Variants in KDM4C observed in about 807,000 individuals in gnomAD.
KDM4C encodes the protein lysine-specific demethylase 4C.
In KDM4C, 81 loss-of-function variants were observed where a neutral mutation model predicts 129.3. The observed-to-expected ratio is 0.63, with a 90% CI of 0.52 to 0.75. The LOEUF is 0.75. KDM4C is among the 30% of genes least tolerant of loss of function. The pLI is 0.00. For missense variants in KDM4C, 1,457 were observed against 1,304.0 expected, an observed-to-expected ratio of 1.12 and a Z score of -1.81; for synonymous variants, 573 against 456.1, an observed-to-expected ratio of 1.26 and a Z score of -3.26.
At chr9:7,095,141 C>T (rs1464255903) in intron 17 of KDM4C, among the ~76,000 whole-genome samples, 1 of 152,226 alleles carries the variant, frequency 6.6e-6, no homozygotes, top group Non-Finnish European at 1.5e-5. Flanking sequence ...GCTTGAAACT[C>T]ACTTGTGGGA....
chr9:6,962,096 T>C (rs9657634), intron 8 of KDM4C, among the ~76,000 whole-genome samples: 3,076 of 152,280 alleles, frequency 0.02, 77 homozygotes, highest in East Asian at 0.073. Context: ...GGGGGCTCTA[T>C]TGGCTGTGAT....
chr9:6,765,377 C>T (rs1025310687), intron 1 of KDM4C, among the ~76,000 whole-genome samples: 12 of 152,150 alleles, frequency 7.9e-5, no homozygotes, highest in African/African-American at 2.7e-4. Context: ...TTCAGAGAAA[C>T]CTGACCTGTT....
chr9:7,066,972 A>C (rs1358835462), intron 17 of KDM4C, among the ~76,000 whole-genome samples: 2 of 152,158 alleles, frequency 1.3e-5, no homozygotes, highest in Non-Finnish European at 2.9e-5. Context: ...ACTTAAAAAC[A>C]AGAGGGAATC....
chr9:6,976,123 T>A (rs1414310592), intron 8 of KDM4C, among the ~76,000 whole-genome samples: 1 of 152,226 alleles, frequency 6.6e-6, no homozygotes, highest in East Asian at 1.9e-4. Flanking sequence ...TGCACAGATC[T>A]ATGTGATTAT....
At chr9:6,862,320 G>T (rs1025663150) in intron 5 of KDM4C, among the ~76,000 whole-genome samples, 2 of 152,082 alleles carry the variant, frequency 1.3e-5, no homozygotes, top group African/African-American at 2.4e-5. Context: ...TGAAATGTTT[G>T]ATTTTAACAG....
At chr9:7,029,954 C>T (rs1335023933) in intron 15 of KDM4C, among the ~76,000 whole-genome samples, 1 of 152,048 alleles carries the variant, frequency 6.6e-6, no homozygotes, top group African/African-American at 2.4e-5. Flanking sequence ...CTATGTCCTT[C>T]TAGGGAGCTT....
intron 18 of KDM4C, among the ~76,000 whole-genome samples, chr9:7,126,283 G>C (rs1840019578): frequency 6.6e-6 from 1 of 152,140 alleles, no homozygotes; most frequent in Non-Finnish European, 1.5e-5. Context: ...CTGCAACCCA[G>C]CTGTTGTCAG....
chr9:7,111,661 C>T (rs1453167574), intron 18 of KDM4C, among the ~76,000 whole-genome samples: 1 of 152,068 alleles, frequency 6.6e-6, no homozygotes, highest in Non-Finnish European at 1.5e-5. Context: ...CTGAGGAAGG[C>T]TGAAGAGTTC....
intron 5 of KDM4C, among the ~76,000 whole-genome samples, chr9:6,856,998 C>T (rs576649096): frequency 4.1e-4 from 63 of 152,208 alleles, no homozygotes; most frequent in African/African-American, 1.4e-3. Context: ...ACCTCATGAT[C>T]CATCCGCCTC....
chr9:7,112,512 A>C (rs1319485300), intron 18 of KDM4C, among the ~76,000 whole-genome samples: 5 of 152,316 alleles, frequency 3.3e-5, no homozygotes, highest in Non-Finnish European at 2.9e-5. Flanking sequence ...TTGGTAAATC[A>C]GATGTAGTGG....
rs1024557134 is a variant in KDM4C at position 6,730,531 on chromosome 9, C to T, written c.49+9534C>T. Among the ~76,000 whole-genome samples, 7 of 151,416 alleles carry T rather than the reference C, an allele frequency of 4.6e-5. No homozygotes were observed. The South Asian group carries it at 6.3e-4, about 14-fold the overall frequency. On this transcript the variant is annotated intron_variant, in intron 1 of 17. Transcript: ENST00000536108. ...TCGGGAGGCTGAGGCAGGAGAATGG[C>T]GTGAACCCGGGAGGCGGAGCTTGCA...
At chr9:6,905,389 A>T (rs1818141932) in intron 8 of KDM4C, among the ~76,000 whole-genome samples, 1 of 152,150 alleles carries the variant, frequency 6.6e-6, no homozygotes, top group Non-Finnish European at 1.5e-5. Context: ...TTGTCCTGAA[A>T]TGTCTAGATT....
Position 6,976,681 on chromosome 9 carries a change from C to A in KDM4C, c.922-4244C>A, listed in dbSNP as rs1832980093. Among the ~76,000 whole-genome samples, 4 of 152,240 alleles carry A rather than the reference C, an allele frequency of 2.6e-5. No homozygotes were observed. In the South Asian group the frequency reaches 6.2e-4, roughly 24 times the overall value. On this transcript the variant is annotated intron_variant, in intron 8 of 21. Transcript: ENST00000381309. Reference sequence around the variant, plus strand: ...TGCCTCAAAGATAATTAGCTGATAGCCTTCAAGAGCAATAACATTTTTGGG... The same window carrying A: ...TGCCTCAAAGATAATTAGCTGATAGACTTCAAGAGCAATAACATTTTTGGG...
intron 4 of KDM4C, chr9:6,834,776 GC>G: frequency 2.4e-6 from 3 of 1,234,926 alleles, no homozygotes; most frequent in Non-Finnish European, 3.6e-6. Context: ...GCTGACCGAG[GC>G]CCCCCTGAAC....
At chr9:6,801,701 T>C (rs1829019167) in intron 2 of KDM4C, among the ~76,000 whole-genome samples, 1 of 152,088 alleles carries the variant, frequency 6.6e-6, no homozygotes, top group African/African-American at 2.4e-5. Flanking sequence ...AAGAGTATTC[T>C]CCTTGGATAT....
At chr9:6,787,655 A>G (rs1213014090) in intron 1 of KDM4C, among the ~76,000 whole-genome samples, 2 of 152,176 alleles carry the variant, frequency 1.3e-5, no homozygotes, top group Non-Finnish European at 2.9e-5. Context: ...TCTGCCCATC[A>G]TGGTCCAAGC....
intron 17 of KDM4C, among the ~76,000 whole-genome samples, chr9:7,052,054 A>T (rs865803233): frequency 1.3e-4 from 20 of 152,226 alleles, no homozygotes; most frequent in African/African-American, 4.8e-4. Context: ...AACATTTTCA[A>T]TATTTGTCAT....
chr9:7,008,110 C>T (rs2132105099), intron 12 of KDM4C, among the ~76,000 whole-genome samples: 1 of 152,248 alleles, frequency 6.6e-6, no homozygotes, highest in South Asian at 2.1e-4. Context: ...TATTACCACT[C>T]CCCTAATCCC....
chr9:7,060,012 A>G (rs947067763), intron 17 of KDM4C, among the ~76,000 whole-genome samples: 3 of 152,176 alleles, frequency 2.0e-5, no homozygotes, highest in African/African-American at 7.2e-5. Flanking sequence ...TTTGAAAACC[A>G]CTGGAATAGA....
Sources: allele counts gnomAD v4.1 joint callset (sites outside exome capture counted in the v4.1 genomes callset), GRCh38; gene constraint gnomAD v4.1.1; transcripts MANE v1.5; gene names NCBI Gene and HGNC (gene_info 2026-07-23, HGNC 2026-07-21).